Variants in COL11A1 observed in about 807,000 individuals in gnomAD.
The protein encoded by COL11A1 is collagen type XI alpha 1 chain.
A neutral mutation model predicts 265.2 loss-of-function variants in COL11A1; 74 were observed. That is an observed-to-expected ratio of 0.28 (90% confidence interval 0.23 to 0.34). The LOEUF (loss-of-function observed/expected upper bound fraction) is 0.34, where lower values mean the gene tolerates loss of function less well. Ranked by LOEUF, COL11A1 falls within the 10% of genes least tolerant of loss-of-function variation. The probability of loss-of-function intolerance (pLI) is 1.00; values close to 1 mark genes in which losing one functional copy is unlikely to be tolerated. For synonymous variants in COL11A1, 816 were observed against 727.6 expected (o/e 1.12, Z -1.96); for missense variants, 2,165 against 2,263.6 (o/e 0.96, Z 0.88).
chr1:103,082,195 T>C (rs1672469571), intron 2 of COL11A1, among the ~76,000 whole-genome samples: 1 of 151,992 alleles, frequency 6.6e-6, no homozygotes, highest in Admixed American at 6.6e-5. Context: ...TGCCAGCTGA[T>C]ATTTTAAAAA....
chr1:102,955,851 T>C (rs1660320316), intron 41 of COL11A1, among the ~76,000 whole-genome samples: 1 of 152,168 alleles, frequency 6.6e-6, no homozygotes, highest in Non-Finnish European at 1.5e-5. Context: ...TTCAGTCTCT[T>C]GCTACTTTCT....
intron 37 of COL11A1, among the ~76,000 whole-genome samples, chr1:102,967,466 T>C (rs551445493): frequency 6.6e-6 from 1 of 152,074 alleles, no homozygotes; most frequent in Non-Finnish European, 1.5e-5. Context: ...GGTCTCGATC[T>C]CCTGACTTCG....
At chr1:102,960,654 C>A (rs571387264) in intron 41 of COL11A1, among the ~76,000 whole-genome samples, 1 of 151,852 alleles carries the variant, frequency 6.6e-6, no homozygotes, top group Non-Finnish European at 1.5e-5. Context: ...GTACAGTATA[C>A]TCTTCTCAAA....
intron 41 of COL11A1, among the ~76,000 whole-genome samples, chr1:102,947,657 G>T (rs2615986): frequency 0.72 from 108,528 of 151,666 alleles, 39,166 homozygotes; most frequent in East Asian, 0.88. Flanking sequence ...TAACTAGTTT[G>T]CTTTTTTAAA....
chr1:103,019,472 A>C (rs889311038), intron 9 of COL11A1, among the ~76,000 whole-genome samples: 1 of 152,198 alleles, frequency 6.6e-6, no homozygotes, highest in Non-Finnish European at 1.5e-5. Context: ...ACTTTTTATA[A>C]TAAGGACTGA....
At chr1:102,897,998 T>A (rs1401765111) in intron 57 of COL11A1, 127 bp downstream of exon 57, 8 of 433,370 alleles carry the variant, frequency 1.8e-5, no homozygotes, top group East Asian at 5.0e-5. Context: ...GACAAAATAA[T>A]ATACTTCTTG....
intron 7 of COL11A1, among the ~76,000 whole-genome samples, chr1:103,024,744 T>C (rs1667386736): frequency 6.6e-6 from 1 of 152,158 alleles, no homozygotes; most frequent in Non-Finnish European, 1.5e-5. Context: ...CACAATTTTG[T>C]GTTTTCACAT....
intron 15 of COL11A1, among the ~76,000 whole-genome samples, chr1:103,006,526 A>ATTTTTT (rs4013849): frequency 0.072 from 5,962 of 82,782 alleles, 1,415 homozygotes; most frequent in Non-Finnish European, 0.098. Flanking sequence ...AAATGGCTCC[A>ATTTTTT]TTTTTTTTTT....
intron 58 of COL11A1, among the ~76,000 whole-genome samples, 182 bp from the exon 59 acceptor site, chr1:102,889,744 G>C (rs1651508884): frequency 6.6e-6 from 1 of 151,936 alleles, no homozygotes; most frequent in South Asian, 2.1e-4. Flanking sequence ...TCACCTAACT[G>C]GATCTTTTAC....
intron 62 of COL11A1, 58 bp downstream of exon 62, chr1:102,888,519 C>A: frequency 2.0e-6 from 3 of 1,498,236 alleles, no homozygotes; most frequent in South Asian, 2.3e-5. Flanking sequence ...TCAGAGAAAT[C>A]ATTGGCAGCT....
chr1:102,940,280 A>T, intron 43 of COL11A1, 47 bp downstream of exon 43: 1 of 1,457,986 alleles, frequency 6.9e-7, no homozygotes, highest in Non-Finnish European at 9.6e-7. Flanking sequence ...CTTGACAAAA[A>T]TTAAGCTTTT....
At chr1:103,043,521 T>C (rs905694723) in intron 4 of COL11A1, among the ~76,000 whole-genome samples, 2 of 152,048 alleles carry the variant, frequency 1.3e-5, no homozygotes, top group African/African-American at 2.4e-5. Context: ...TCATAGTGAG[T>C]ACTCAATAAA....
intron 28 of COL11A1, among the ~76,000 whole-genome samples, chr1:102,992,645 G>A (rs1167945120): frequency 6.6e-6 from 1 of 151,832 alleles, no homozygotes; most frequent in East Asian, 1.9e-4. Flanking sequence ...TTTATACAAA[G>A]TTTCTCTAAA....
intron 1 of COL11A1, among the ~76,000 whole-genome samples, chr1:103,099,436 AC>A (rs1674056262): frequency 6.7e-6 from 1 of 149,936 alleles, no homozygotes; most frequent in Non-Finnish European, 1.5e-5. Flanking sequence ...ATGCACATGT[AC>A]CCACACACAT....
chr1:103,088,524 T>G (rs960350890), intron 1 of COL11A1, among the ~76,000 whole-genome samples: 2 of 152,218 alleles, frequency 1.3e-5, no homozygotes, highest in African/African-American at 4.8e-5. Context: ...GACAATATTT[T>G]GTGACACATG....
At chr1:102,992,229 CAAGTG>C (rs1242522108) in intron 28 of COL11A1, among the ~76,000 whole-genome samples, 1 of 151,828 alleles carries the variant, frequency 6.6e-6, no homozygotes, top group African/African-American at 2.4e-5. Context: ...CATTTTTTAG[CAAGTG>C]ACGTATCAAG....
At chr1:103,017,384 G>A (rs1666652093) in intron 11 of COL11A1, among the ~76,000 whole-genome samples, 1 of 152,136 alleles carries the variant, frequency 6.6e-6, no homozygotes. Context: ...GTTATTTTAT[G>A]AGAAGAGTTT....
intron 1 of COL11A1, among the ~76,000 whole-genome samples, chr1:103,094,009 G>T (rs956625635): frequency 1.3e-5 from 2 of 152,086 alleles, no homozygotes; most frequent in African/African-American, 4.8e-5. Context: ...AGCCTTGAAA[G>T]CCATCAAGCC....
At chr1:102,991,518 C>T (rs572676720) in intron 28 of COL11A1, among the ~76,000 whole-genome samples, 1 of 151,974 alleles carries the variant, frequency 6.6e-6, no homozygotes, top group Non-Finnish European at 1.5e-5. Context: ...ATCTTGTGGC[C>T]TTCACTGAAT....
Sources: allele counts gnomAD v4.1 joint callset (sites outside exome capture counted in the v4.1 genomes callset), GRCh38; gene constraint gnomAD v4.1.1; transcripts MANE v1.5; gene names NCBI Gene and HGNC (gene_info 2026-07-23, HGNC 2026-07-21).